Variants in MYRIP observed in about 807,000 individuals in gnomAD.
MYRIP encodes the protein rab effector MyRIP.
In MYRIP, 49 loss-of-function variants were observed where a neutral mutation model predicts 98.0. That is an observed-to-expected ratio of 0.50 (90% confidence interval 0.40 to 0.63). MYRIP has a LOEUF of 0.63. MYRIP is among the 30% of genes least tolerant of loss of function. The pLI is 0.00. For synonymous variants in MYRIP, 404 were observed against 409.5 expected (o/e 0.99, Z 0.16); for missense variants, 1,004 against 1,058.2 (o/e 0.95, Z 0.71).
intron 2 of MYRIP, among the ~76,000 whole-genome samples, chr3:39,939,510 G>C (rs1280627818): frequency 6.6e-6 from 1 of 152,094 alleles, no homozygotes; most frequent in Non-Finnish European, 1.5e-5. Context: ...GTGTGTGTAA[G>C]TTAGAAAGAA....
chr3:40,086,977 A>C (rs1948641214), intron 3 of MYRIP, among the ~76,000 whole-genome samples: 1 of 152,064 alleles, frequency 6.6e-6, no homozygotes, highest in African/African-American at 2.4e-5. Flanking sequence ...GACCAGGACA[A>C]TGCTGGGGGT....
In MYRIP at chr3:39,877,392, C is replaced by T. The variant is rs547815661; in HGVS notation, c.-30-23395C>T. Among the ~76,000 whole-genome samples, 407 of 152,208 alleles carry T rather than the reference C, an allele frequency of 2.7e-3. 1 individual carries two copies. The highest frequency in any genetic ancestry group is 7.7e-3 in the African/African-American group (319 of 41,504). ...TTGTTCCATTGCTGGTGAGGAACTG[C>T]GTTCCTTTGGAGGAGGAGAGGCGCT... is the stretch of plus-strand genomic sequence containing the variant. On this transcript the variant is annotated intron_variant, in intron 1 of 16. Transcript: ENST00000302541.
intron 3 of MYRIP, among the ~76,000 whole-genome samples, chr3:40,141,050 C>G (rs1465116227): frequency 6.6e-6 from 1 of 152,176 alleles, no homozygotes; most frequent in Non-Finnish European, 1.5e-5. Context: ...TCATCTCCCT[C>G]TCCACCTCCC....
chr3:40,039,391 T>C (rs564918356), intron 2 of MYRIP, among the ~76,000 whole-genome samples: 2 of 152,208 alleles, frequency 1.3e-5, no homozygotes, highest in South Asian at 4.1e-4. Flanking sequence ...TGCAAAGGAA[T>C]TGGAAAAGGG....
chr3:40,100,315 G>A (rs1237637226), intron 3 of MYRIP: 1 of 936,124 alleles, frequency 1.1e-6, no homozygotes, highest in South Asian at 4.9e-5. Context: ...TATTGATTAT[G>A]TACTATAATC....
At chr3:39,945,800 A>G (rs938105888) in intron 2 of MYRIP, among the ~76,000 whole-genome samples, 1 of 152,172 alleles carries the variant, frequency 6.6e-6, no homozygotes, top group African/African-American at 2.4e-5. Flanking sequence ...TGTTCTTATG[A>G]TTGTACAACT....
intron 2 of MYRIP, among the ~76,000 whole-genome samples, chr3:40,020,684 C>T (rs1946971396): frequency 1.3e-5 from 2 of 152,328 alleles, no homozygotes; most frequent in Non-Finnish European, 2.9e-5. Context: ...CCAGGAAGAA[C>T]TGTACGTGTA....
chr3:39,860,892 C>T (rs1426943530), intron 1 of MYRIP, among the ~76,000 whole-genome samples: 3 of 152,230 alleles, frequency 2.0e-5, no homozygotes, highest in Non-Finnish European at 1.5e-5. Flanking sequence ...CAGCCCCATA[C>T]CTGCCAGCAC....
chr3:39,964,008 G>A (rs1945383184), intron 2 of MYRIP, among the ~76,000 whole-genome samples: 1 of 151,840 alleles, frequency 6.6e-6, no homozygotes, highest in Non-Finnish European at 1.5e-5. Context: ...TACTATCTGG[G>A]GCAGTATGTG....
chr3:40,022,604 C>A (rs917013472), intron 2 of MYRIP, among the ~76,000 whole-genome samples: 1 of 152,112 alleles, frequency 6.6e-6, no homozygotes, highest in African/African-American at 2.4e-5. Context: ...TCATTGAAGG[C>A]AGCTTGGAAT....
intron 3 of MYRIP, among the ~76,000 whole-genome samples, chr3:40,045,372 T>C (rs1947649342): frequency 6.6e-6 from 1 of 152,120 alleles, no homozygotes; most frequent in South Asian, 2.1e-4. Context: ...GGCTGGGTGC[T>C]ACGCAGGTCC....
chr3:39,993,667 GA>G, intron 2 of MYRIP, among the ~76,000 whole-genome samples: 1 of 152,252 alleles, frequency 6.6e-6, no homozygotes, highest in African/African-American at 2.4e-5. Context: ...AATTCACTGA[GA>G]AAAGCATTCG....
intron 2 of MYRIP, among the ~76,000 whole-genome samples, chr3:39,976,237 T>C (rs999981871): frequency 7.2e-5 from 11 of 152,050 alleles, no homozygotes; most frequent in African/African-American, 1.4e-4. Flanking sequence ...GGGTGAAGGA[T>C]ATGAACAGAC....
chr3:40,192,342 T>TCATATATATATATATATGA, intron 10 of MYRIP, among the ~76,000 whole-genome samples: 1 of 63,832 alleles, frequency 1.6e-5, no homozygotes, highest in Admixed American at 1.7e-4. Context: ...TATATATATG[T>TCATATATATATATATATGA]CATATATATA....
chr3:39,818,159 A>T (rs1432071291), intron 1 of MYRIP, among the ~76,000 whole-genome samples: 1 of 152,184 alleles, frequency 6.6e-6, no homozygotes, highest in Non-Finnish European at 1.5e-5. Flanking sequence ...CTTTGTAGAC[A>T]TTTTTTATTT....
chr3:39,968,086 C>G (rs1432255293), intron 2 of MYRIP, among the ~76,000 whole-genome samples: 1 of 152,084 alleles, frequency 6.6e-6, no homozygotes, highest in Non-Finnish European at 1.5e-5. Context: ...TTAATTAGAT[C>G]ACACTTGATT....
intron 2 of MYRIP, among the ~76,000 whole-genome samples, chr3:39,932,207 C>T (rs1944554544): frequency 6.6e-6 from 1 of 152,122 alleles, no homozygotes; most frequent in Non-Finnish European, 1.5e-5. Context: ...CATTCCAAAA[C>T]TCTTGTCTTA....
chr3:39,875,829 T>G (rs895416567), intron 1 of MYRIP, among the ~76,000 whole-genome samples: 9 of 151,880 alleles, frequency 5.9e-5, no homozygotes, highest in Admixed American at 2.0e-4. Context: ...TGATTTGGGG[T>G]GGAGAGTTCT....
At chr3:40,042,445 A>G (rs1053864047) in intron 2 of MYRIP, among the ~76,000 whole-genome samples, 4 of 152,162 alleles carry the variant, frequency 2.6e-5, no homozygotes, top group Admixed American at 2.6e-4. Flanking sequence ...ACTGCAGAAA[A>G]ATTAAGCATT....
Sources: allele counts gnomAD v4.1 joint callset (sites outside exome capture counted in the v4.1 genomes callset), GRCh38; gene constraint gnomAD v4.1.1; transcripts MANE v1.5; gene names NCBI Gene and HGNC (gene_info 2026-07-23, HGNC 2026-07-21).